The following PHC3 variants were observed in gnomAD, a reference collection of about 807,000 sequenced individuals.
PHC3 encodes polyhomeotic-like protein 3.
A neutral mutation model predicts 107.4 loss-of-function variants in PHC3; 13 were observed. That is an observed-to-expected ratio of 0.12 (90% CI 0.08 to 0.19). The LOEUF is 0.19. PHC3 is among the 10% of genes least tolerant of loss of function. The pLI is 1.00. For synonymous variants in PHC3, 456 were observed against 427.4 expected, an observed-to-expected ratio of 1.07 and a Z score of -0.83; for missense variants, 992 against 1,210.9, an observed-to-expected ratio of 0.82 and a Z score of 2.68.
intron 8 of PHC3, among the ~76,000 whole-genome samples, chr3:170,123,362 C>CACACACACACAT (rs778582179): frequency 9.2e-5 from 14 of 151,794 alleles, no homozygotes; most frequent in Admixed American, 6.6e-5. Context: ...TGCATACACA[C>CACACACACACAT]ACACACACAC....
intron 2 of PHC3, among the ~76,000 whole-genome samples, chr3:170,177,965 C>A (rs1196366432): frequency 6.6e-6 from 1 of 152,098 alleles, no homozygotes; most frequent in African/African-American, 2.4e-5. Context: ...GCCACCACGC[C>A]TAGCCAATAG....
chr3:170,160,737 C>T (rs1727750165), intron 4 of PHC3, among the ~76,000 whole-genome samples: 1 of 152,072 alleles, frequency 6.6e-6, no homozygotes, highest in South Asian at 2.1e-4. Context: ...CCTGTCTCTA[C>T]TGAAAACATA....
intron 4 of PHC3, 23 bp downstream of exon 4, chr3:170,171,350 A>G (rs1729560360): frequency 6.7e-7 from 1 of 1,490,218 alleles, no homozygotes; most frequent in Non-Finnish European, 9.1e-7. Flanking sequence ...TAAATCCAGG[A>G]AAAAAAAATT....
At chr3:170,125,624 A>G (rs1721125368) in intron 8 of PHC3, among the ~76,000 whole-genome samples, 1 of 152,222 alleles carries the variant, frequency 6.6e-6, no homozygotes, top group Non-Finnish European at 1.5e-5. Context: ...TAAAGAATGA[A>G]AAGAGCCATA....
At chr3:170,158,130 G>C (rs1386263515) in intron 4 of PHC3, among the ~76,000 whole-genome samples, 1 of 151,800 alleles carries the variant, frequency 6.6e-6, no homozygotes, top group Admixed American at 6.6e-5. Context: ...CACAAATCTA[G>C]ACTATTGGAA....
intron 8 of PHC3, among the ~76,000 whole-genome samples, chr3:170,126,504 G>GTGTATATATATATATATATATATATA (rs1272456482): frequency 8.5e-6 from 1 of 117,318 alleles, no homozygotes; most frequent in African/African-American, 3.5e-5. Context: ...TGCTCCATAT[G>GTGTATATATATATATATATATATATA]TATATATATA....
At chr3:170,161,161 C>G (rs973516641) in intron 4 of PHC3, among the ~76,000 whole-genome samples, 1 of 152,148 alleles carries the variant, frequency 6.6e-6, no homozygotes, top group South Asian at 2.1e-4. Flanking sequence ...TCACATAATC[C>G]TAGATTAACA....
At position 170,092,263 on chromosome 3, in the gene PHC3, G is replaced by A. The variant is rs1475788728; in HGVS notation, c.*4967C>T. On this transcript the variant is annotated 3_prime_UTR_variant, in exon 15 of 15. Coordinates refer to ENST00000495893, the MANE Select transcript of PHC3 (RefSeq NM_024947.4). The stretch of plus-strand genomic sequence containing the variant: ...GATCTACCCACCTCAGCCTCCCAAA[G>A]TGCTGGGATTACAGGTGTGAGCCAC... The A allele has an allele frequency of 6.6e-6, 1 of 152,242 alleles. No homozygotes were observed. Among genetic ancestry groups the A allele is most frequent in the Admixed American group, 6.5e-5 (1 of 15,286 alleles). The allele number at this position is 152,242 out of a possible 1,614,324, so 9.4% of individuals were successfully genotyped here.
Position 170,168,950 on chromosome 3 carries a change from A to AT in PHC3, c.414+2422dup, listed in dbSNP as rs762004298. On this transcript the variant is annotated intron_variant, in intron 4 of 14. Coordinates refer to ENST00000495893, the MANE Select transcript of PHC3 (RefSeq NM_024947.4). ...ATCCTTGCGACCAGAAGTGTTTCGG[A>AT]TTTTTTTTTTTTTTTCAGATTTTGG... is the stretch of plus-strand genomic sequence containing the variant. Among the ~76,000 whole-genome samples, 705 of 138,262 alleles carry AT rather than the reference A, an allele frequency of 5.1e-3. 7 individuals carry two copies. Among genetic ancestry groups the AT allele is most frequent in the African/African-American group, 0.014 (511 of 37,820 alleles). The allele number at this position is 138,262 out of a possible 152,430, so 90.7% of individuals were successfully genotyped here.
intron 6 of PHC3, among the ~76,000 whole-genome samples, chr3:170,142,651 G>A (rs1170092436): frequency 6.6e-6 from 1 of 152,112 alleles, no homozygotes; most frequent in African/African-American, 2.4e-5. Context: ...AAACTGAGCA[G>A]CAACTTCACG....
chr3:170,139,419 T>C (rs1471170216), intron 6 of PHC3, among the ~76,000 whole-genome samples: 1 of 152,144 alleles, frequency 6.6e-6, no homozygotes, highest in Non-Finnish European at 1.5e-5. Flanking sequence ...AATTTAACAT[T>C]TGACACAAAT....
Position 170,094,588 on chromosome 3 carries a change from C to T in PHC3, c.*2642G>A, listed in dbSNP as rs1388519825. On this transcript the variant is annotated 3_prime_UTR_variant, in exon 15 of 15. Coordinates refer to ENST00000495893, the MANE Select transcript of PHC3 (RefSeq NM_024947.4). ...AAAGCTCAGGAGAGAGGTGGATGCT[C>T]AGTGTTGTCTATATATCCATTATAT... 1.3e-5 allele frequency: 2 copies of T among 152,160 alleles called. No individual in the cohort carries two copies. Among genetic ancestry groups the T allele is most frequent in the African/African-American group, 4.8e-5 (2 of 41,434 alleles). 9.4% of individuals were successfully genotyped at this position (152,160 alleles called of 1,614,324 possible).
intron 3 of PHC3, 67 bp from the exon 4 acceptor site, chr3:170,171,517 A>AT: frequency 8.9e-7 from 1 of 1,118,316 alleles, no homozygotes; most frequent in Non-Finnish European, 1.3e-6. Flanking sequence ...TGGTACCATG[A>AT]TAACACAAAA....
In PHC3 at chr3:170,161,051, T is replaced by G. The variant is rs571708273; in HGVS notation, c.414+10322A>C. 2.6e-5 allele frequency among the ~76,000 whole-genome samples: 4 copies of G among 152,356 alleles called. No individual in the cohort carries two copies. In the South Asian group the frequency reaches 8.3e-4, roughly 32 times the overall value. Reference sequence around the variant, plus strand: ...TATCATTACATATTCTAGTTGATACTTACTACCTACCATACATCTTTCAAC... The same window carrying G: ...TATCATTACATATTCTAGTTGATACGTACTACCTACCATACATCTTTCAAC... On this transcript the variant is annotated intron_variant, in intron 4 of 14. Transcript: ENST00000495893.
chr3:170,121,740 G>A (rs1458917253), intron 9 of PHC3, among the ~76,000 whole-genome samples: 1 of 152,060 alleles, frequency 6.6e-6, no homozygotes. Context: ...ATCATATATG[G>A]CTTAGAATGC....
chr3:170,128,382 C>T, intron 8 of PHC3: 2 of 1,329,618 alleles, frequency 1.5e-6, no homozygotes, highest in Admixed American at 2.7e-5. Flanking sequence ...GGTTCAAATG[C>T]ATTCCCTTGG....
At position 170,123,026 on chromosome 3, in the gene PHC3, G is replaced by A. The variant is rs371365070; in HGVS notation, c.1789-282C>T. On this transcript the variant is annotated intron_variant, in intron 8 of 14. Transcript: ENST00000495893. ...CAAGTCTGAAAATATTTTTTATTTC[G>A]ATAATTAAAAAATACAAATAAAATA... 1.1e-4 allele frequency among the ~76,000 whole-genome samples: 16 copies of A among 151,964 alleles called. No homozygotes were observed. The East Asian group carries it at 2.5e-3, about 24-fold the overall frequency.
rs756653485 is a variant in PHC3 at position 170,172,659 on chromosome 3, C to T, written c.234G>A (p.Gln78=). ...RPPSSAAQYL[Q]QMYAAQQQHL... The stretch of plus-strand genomic sequence containing the variant: ...GCTGTTGTTGGGCTGCATACATTTG[C>T]TGAAGGTACTGAGCAGCTGAGCTGG... Residue 78 remains glutamine, a synonymous_variant, in exon 3 of 15, where the codon CAG becomes CAA. Transcript: ENST00000495893. 1 of 1,613,274 alleles carries T rather than the reference C, an allele frequency of 6.2e-7. No individual in the cohort carries two copies. Among genetic ancestry groups the T allele is most frequent in the South Asian group, 1.1e-5 (1 of 91,004 alleles).
At chr3:170,145,564 A>C in intron 5 of PHC3, 43 bp from the exon 6 acceptor site, 1 of 1,393,106 alleles carries the variant, frequency 7.2e-7, no homozygotes, top group Non-Finnish European at 1.0e-6. Context: ...AGACAAAAGA[A>C]CATGTCCCAC....
Sources: gnomAD v4.1 joint callset for allele counts (sites outside exome capture counted in the v4.1 genomes callset) on GRCh38, gnomAD v4.1.1 for gene constraint, MANE v1.5 for transcripts, NCBI Gene and HGNC (gene_info 2026-07-23, HGNC 2026-07-21) for gene names.